NUCB1: variants seen among roughly 807,000 people sequenced by gnomAD.
The protein encoded by NUCB1 is nucleobindin-1.
NUCB1 carries 47 observed loss-of-function variants against 61.2 expected under a neutral mutation model. That is an observed-to-expected ratio of 0.77 (90% confidence interval 0.61 to 0.98). The LOEUF is 0.98. Ranked by LOEUF, NUCB1 falls within the 50% of genes least tolerant of loss-of-function variation. The pLI is 0.00. For missense variants in NUCB1, 583 were observed against 605.3 expected (o/e 0.96, Z 0.39); for synonymous variants, 234 against 243.1 (o/e 0.96, Z 0.35).
In NUCB1 at chr19:48,922,020, G is replaced by A. The variant is rs2037615623; in HGVS notation, c.1279+88G>A. On this transcript the variant is annotated intron_variant, in intron 12 of 12. Transcript: ENST00000405315. ...GGGCTGGGCCTGGACTCCCAGATCT[G>A]AGGGAAGAGGGACTGGGGGCCCAGA... The A allele has an allele frequency of 5.8e-6, 6 of 1,030,088 alleles. No homozygotes were observed. The Admixed American group carries it at 1.2e-4, about 21-fold the overall frequency. 63.8% of individuals were successfully genotyped at this position (1,030,088 alleles called of 1,614,324 possible).
At chr19:48,905,676 T>G in intron 3 of NUCB1, 77 bp from the exon 4 acceptor site, 3 of 1,560,198 alleles carry the variant, frequency 1.9e-6, no homozygotes, top group African/African-American at 1.4e-5. Flanking sequence ...GACTGGGGCA[T>G]GAGAAAGCTT....
At chr19:48,912,263 T>G (rs913693348) in intron 5 of NUCB1, among the ~76,000 whole-genome samples, 2 of 151,916 alleles carry the variant, frequency 1.3e-5, no homozygotes, top group African/African-American at 2.4e-5. Context: ...CGGGCTCGAG[T>G]GATCCTCCCA....
chr19:48,907,120 G>A (rs961297512), intron 4 of NUCB1, among the ~76,000 whole-genome samples: 19 of 151,302 alleles, frequency 1.3e-4, no homozygotes, highest in African/African-American at 3.4e-4. Flanking sequence ...GACTACAGGC[G>A]CCCGCCACCA....
intron 2 of NUCB1, among the ~76,000 whole-genome samples, chr19:48,903,466 ATGGGCGG>A: frequency 3.6e-5 from 4 of 111,652 alleles, no homozygotes; most frequent in Non-Finnish European, 5.3e-5. Flanking sequence ...GGTTGGATGG[ATGGGCGG>A]GTGGATGGAT....
intron 10 of NUCB1, 108 bp from the exon 11 acceptor site, chr19:48,921,046 C>G: frequency 7.9e-7 from 1 of 1,271,916 alleles, no homozygotes; most frequent in East Asian, 2.4e-5. Context: ...CCACATGGCC[C>G]TGGCCTCCCA....
At chr19:48,908,864 G>A (rs981564428) in intron 4 of NUCB1, among the ~76,000 whole-genome samples, 1 of 151,910 alleles carries the variant, frequency 6.6e-6, no homozygotes, top group East Asian at 1.9e-4. Context: ...TAGAAGCCTC[G>A]GGAGACATGC....
chr19:48,908,010 C>A (rs1055835273), intron 4 of NUCB1, among the ~76,000 whole-genome samples: 3 of 152,214 alleles, frequency 2.0e-5, no homozygotes, highest in Non-Finnish European at 4.4e-5. Context: ...GGTGTCACCG[C>A]CCCGGCTGTC....
At chr19:48,916,171 CGTGTGTGTGT>C (rs143557740) in intron 7 of NUCB1, among the ~76,000 whole-genome samples, 19 of 147,698 alleles carry the variant, frequency 1.3e-4, no homozygotes, top group African/African-American at 2.2e-4. Flanking sequence ...TGGTATTTGT[CGTGTGTGTGT>C]GTGTGTGTGT....
chr19:48,904,492 T>C, intron 3 of NUCB1, 38 bp downstream of exon 3: 1 of 1,319,374 alleles, frequency 7.6e-7, no homozygotes, highest in Non-Finnish European at 1.1e-6. Flanking sequence ...GAGGGGTACG[T>C]GCTGGGAGGG....
At chr19:48,900,597 G>A in intron 1 of NUCB1, 189 bp from the exon 2 acceptor site, 2 of 713,256 alleles carry the variant, frequency 2.8e-6, no homozygotes. Flanking sequence ...CCCTGGGTCT[G>A]AGGGCCCAGA....
At chr19:48,902,453 A>T (rs1600049340) in intron 2 of NUCB1, among the ~76,000 whole-genome samples, 1 of 113,410 alleles carries the variant, frequency 8.8e-6, no homozygotes. Flanking sequence ...TTGCTGTGTC[A>T]CCCAAGCTGG....
chr19:48,900,588 CCTGGGT>C, intron 1 of NUCB1, 192 bp from the exon 2 acceptor site: 1 of 663,592 alleles, frequency 1.5e-6, no homozygotes, highest in Non-Finnish European at 2.5e-6. Context: ...AGCCAGGACC[CCTGGGT>C]CTGAGGGCCC....
intron 4 of NUCB1, among the ~76,000 whole-genome samples, chr19:48,907,746 G>A (rs774545239): frequency 1.3e-5 from 2 of 152,246 alleles, no homozygotes; most frequent in East Asian, 1.9e-4. Context: ...GCCTGCCCCC[G>A]GCACCCCAGT....
rs1436719065 is a variant in NUCB1, at chr19:48,905,950, C to G, written c.376+65C>G. ...TGGGGAAGGGTGGCCTCACTCCCGG[C>G]CTCCAGGTGGTTGTGTGCTAGGCAG... On this transcript the variant is annotated intron_variant, in intron 4 of 12. Transcript: ENST00000405315. The G allele has an allele frequency of 5.6e-6, 8 of 1,437,706 alleles. No homozygotes were observed. In the African/African-American group the frequency reaches 1.0e-4, roughly 19 times the overall value. 89.1% of individuals were successfully genotyped at this position (1,437,706 alleles called of 1,614,324 possible). A position where few individuals can be genotyped will look rare whatever the true frequency, so the allele number is the denominator to read the frequency against.
At chr19:48,906,155 C>T (rs1423946097) in intron 4 of NUCB1, among the ~76,000 whole-genome samples, 1 of 152,088 alleles carries the variant, frequency 6.6e-6, no homozygotes, top group Non-Finnish European at 1.5e-5. Flanking sequence ...GCTGTAATCC[C>T]AGTACTTTGG....
rs201559921 is a variant in NUCB1, at chr19:48,911,243, G to T, written c.471G>T (p.Leu157=). The T allele has an allele frequency of 2.5e-6, 4 of 1,612,878 alleles. No homozygotes were observed. The highest frequency in any genetic ancestry group is 3.3e-5 in the Admixed American group (2 of 59,946). The change falls in exon 5 of 13, where the codon CTG becomes CTT. Residue 157 remains leucine (L), a synonymous_variant. Coordinates refer to ENST00000405315, the MANE Select transcript of NUCB1 (RefSeq NM_006184.6). ...HTFEARDLEL[L]IQTATRDLAQ... ...TCGAGGCCCGCGACCTGGAGCTGCT[G>T]ATCCAGACGGTAATGGGAGTGGGTC...
intron 3 of NUCB1, 70 bp downstream of exon 3, chr19:48,904,524 TTTC>T: frequency 2.2e-6 from 2 of 890,366 alleles, no homozygotes; most frequent in Non-Finnish European, 1.7e-6. Context: ...GGAGGACTGG[TTTC>T]TTTTTTTTTT....
At chr19:48,909,252 T>TTA (rs2037446775) in intron 4 of NUCB1, among the ~76,000 whole-genome samples, 9 of 139,528 alleles carry the variant, frequency 6.5e-5, no homozygotes, top group Non-Finnish European at 1.2e-4. Flanking sequence ...TATTATTATT[T>TTA]TTTTTTTTTT....
intron 1 of NUCB1, 89 bp from the exon 2 acceptor site, chr19:48,900,697 G>A (rs2037344387): frequency 1.3e-6 from 2 of 1,487,514 alleles, no homozygotes; most frequent in Non-Finnish European, 1.8e-6. Flanking sequence ...GGAAGTGGGG[G>A]CGGCGCTGGG....
Sources: allele counts gnomAD v4.1 joint callset (sites outside exome capture counted in the v4.1 genomes callset), GRCh38; gene constraint gnomAD v4.1.1; transcripts MANE v1.5; gene names NCBI Gene and HGNC (gene_info 2026-07-23, HGNC 2026-07-21).